DTD1: variants seen among roughly 807,000 people sequenced by gnomAD.
DTD1 encodes D-aminoacyl-tRNA deacylase 1.
DTD1 carries 13 observed loss-of-function variants against 25.6 expected under a neutral mutation model. The ratio of observed to expected loss-of-function variants is 0.51; its 90% confidence interval spans 0.33 to 0.81. DTD1 has a LOEUF of 0.81. Ranked by LOEUF, DTD1 falls within the 30% of genes least tolerant of loss-of-function variation. The probability of loss-of-function intolerance (pLI) is 0.02; values close to 1 mark genes in which losing one functional copy is unlikely to be tolerated. For synonymous variants in DTD1, 110 were observed against 103.6 expected (o/e 1.06, Z -0.37); for missense variants, 193 against 266.4 (o/e 0.72, Z 1.92).
intron 3 of DTD1, among the ~76,000 whole-genome samples, chr20:18,605,631 C>T (rs1289248692): frequency 1.1e-5 from 1 of 93,106 alleles, no homozygotes; most frequent in African/African-American, 4.4e-5. Context: ...CGCCTACCTA[C>T]AACTATCTGA....
chr20:18,672,297 C>G (rs1281806014), intron 4 of DTD1, among the ~76,000 whole-genome samples: 1 of 152,000 alleles, frequency 6.6e-6, no homozygotes, highest in Non-Finnish European at 1.5e-5. Context: ...AAAAAAAAAT[C>G]AACCTGTTTA....
At chr20:18,700,751 G>A (rs1223187748) in intron 4 of DTD1, among the ~76,000 whole-genome samples, 2 of 152,192 alleles carry the variant, frequency 1.3e-5, no homozygotes, top group Non-Finnish European at 2.9e-5. Context: ...GATTCGATTG[G>A]AGGGTGTCTG....
chr20:18,729,065 G>A (rs142632004), intron 4 of DTD1, among the ~76,000 whole-genome samples: 4 of 152,288 alleles, frequency 2.6e-5, no homozygotes, highest in African/African-American at 9.6e-5. Context: ...GTGCAGTGGT[G>A]CAGTCACGGC....
intron 4 of DTD1, among the ~76,000 whole-genome samples, chr20:18,698,027 C>G (rs1248548610): frequency 6.6e-6 from 1 of 152,204 alleles, no homozygotes; most frequent in African/African-American, 2.4e-5. Context: ...AAGTGATCAT[C>G]TTTATTCTGA....
At chr20:18,662,796 A>G (rs2060916579) in intron 4 of DTD1, among the ~76,000 whole-genome samples, 1 of 152,076 alleles carries the variant, frequency 6.6e-6, no homozygotes, top group Admixed American at 6.5e-5. Flanking sequence ...TAAAACAGCC[A>G]TCTTGTCAGT....
At chr20:18,589,766 C>T (rs1162740553) in intron 1 of DTD1, among the ~76,000 whole-genome samples, 1 of 152,146 alleles carries the variant, frequency 6.6e-6, no homozygotes, top group African/African-American at 2.4e-5. Flanking sequence ...AATGTGTATT[C>T]TGTGAGATGT....
At chr20:18,758,158 C>T (rs1209457127) in intron 5 of DTD1, among the ~76,000 whole-genome samples, 1 of 152,050 alleles carries the variant, frequency 6.6e-6, no homozygotes, top group African/African-American at 2.4e-5. Flanking sequence ...TGATTCTTCT[C>T]TTTTTTCTTC....
chr20:18,623,666 G>A (rs181019415), intron 3 of DTD1, among the ~76,000 whole-genome samples: 14 of 152,230 alleles, frequency 9.2e-5, no homozygotes, highest in Non-Finnish European at 1.3e-4. Flanking sequence ...GGCGCAGGCC[G>A]TCTGCATCTT....
At chr20:18,648,785 A>G (rs1198640579) in intron 4 of DTD1, among the ~76,000 whole-genome samples, 1 of 152,022 alleles carries the variant, frequency 6.6e-6, no homozygotes, top group Non-Finnish European at 1.5e-5. Context: ...TCACGAGGTC[A>G]GGAGATCGAG....
At chr20:18,759,007 T>C (rs560832110) in intron 5 of DTD1, among the ~76,000 whole-genome samples, 1 of 152,326 alleles carries the variant, frequency 6.6e-6, no homozygotes, top group African/African-American at 2.4e-5. Flanking sequence ...CTTCGTCTCT[T>C]TTGATCTTTG....
chr20:18,723,318 G>A (rs2061212027), intron 4 of DTD1, among the ~76,000 whole-genome samples: 1 of 152,206 alleles, frequency 6.6e-6, no homozygotes, highest in South Asian at 2.1e-4. Flanking sequence ...CCCTGCATTA[G>A]ATGCTTTGGT....
intron 4 of DTD1, among the ~76,000 whole-genome samples, chr20:18,649,474 C>G (rs986497747): frequency 1.3e-5 from 2 of 151,352 alleles, no homozygotes; most frequent in Non-Finnish European, 1.5e-5. Context: ...GAGTAGCTGG[C>G]ACTACAGGTG....
intron 4 of DTD1, among the ~76,000 whole-genome samples, chr20:18,733,989 A>T (rs2061247648): frequency 6.6e-6 from 1 of 152,246 alleles, no homozygotes; most frequent in Admixed American, 6.5e-5. Context: ...ACATTTTTTT[A>T]AAAAGCTTTC....
chr20:18,634,741 G>T (rs1453080761), intron 4 of DTD1, among the ~76,000 whole-genome samples: 5 of 152,158 alleles, frequency 3.3e-5, no homozygotes, highest in Middle Eastern at 3.2e-3. Flanking sequence ...TGGGGGAAAA[G>T]AATTACATTT....
chr20:18,680,736 T>C (rs1432346341), intron 4 of DTD1, among the ~76,000 whole-genome samples: 2 of 152,138 alleles, frequency 1.3e-5, no homozygotes, highest in East Asian at 3.9e-4. Flanking sequence ...ACAGCTATTT[T>C]CTTACTGTGG....
intron 4 of DTD1, among the ~76,000 whole-genome samples, chr20:18,741,309 A>G (rs562583438): frequency 6.6e-6 from 1 of 152,250 alleles, no homozygotes; most frequent in East Asian, 1.9e-4. Context: ...GCTACACCAC[A>G]GAGCTCACAG....
intron 5 of DTD1, among the ~76,000 whole-genome samples, chr20:18,760,959 T>C (rs1186001944): frequency 6.6e-6 from 1 of 152,196 alleles, no homozygotes; most frequent in Non-Finnish European, 1.5e-5. Context: ...CCAGCCTTGC[T>C]GCCACCTTGC....
intron 3 of DTD1, among the ~76,000 whole-genome samples, chr20:18,600,737 G>A (rs2060630428): frequency 6.6e-6 from 1 of 152,052 alleles, no homozygotes; most frequent in African/African-American, 2.4e-5. Context: ...CTATGAACAT[G>A]GAATATCTCT....
chr20:18,760,691 C>G (rs2068642302), intron 5 of DTD1, among the ~76,000 whole-genome samples: 1 of 152,220 alleles, frequency 6.6e-6, no homozygotes, highest in Non-Finnish European at 1.5e-5. Context: ...CAGGGACCCA[C>G]TTGAGGAGGC....
Sources: allele counts gnomAD v4.1 joint callset (sites outside exome capture counted in the v4.1 genomes callset), GRCh38; gene constraint gnomAD v4.1.1; transcripts MANE v1.5; gene names NCBI Gene and HGNC (gene_info 2026-07-23, HGNC 2026-07-21).